The following ASIC2 variants were observed in gnomAD, a reference collection of about 807,000 sequenced individuals.
ASIC2 encodes acid-sensing ion channel 2.
A neutral mutation model predicts 57.3 loss-of-function variants in ASIC2; 25 were observed. The ratio of observed to expected loss-of-function variants is 0.44; its 90% confidence interval spans 0.32 to 0.61. The LOEUF is 0.61. ASIC2 is among the 20% of genes least tolerant of loss of function. ASIC2 has a pLI of 0.06. For synonymous variants in ASIC2, 319 were observed against 307.5 expected (o/e 1.04, Z -0.39); for missense variants, 641 against 738.1 (o/e 0.87, Z 1.52).
At chr17:33,278,489 G>GA (rs10566355) in intron 1 of ASIC2, among the ~76,000 whole-genome samples, 1,690 of 144,336 alleles carry the variant, frequency 0.012, 10 homozygotes, top group African/African-American at 0.016. Context: ...CCCTGTATCA[G>GA]AAAAAAAAAA....
intron 1 of ASIC2, among the ~76,000 whole-genome samples, chr17:33,912,566 C>G (rs750752179): frequency 5.9e-5 from 9 of 152,230 alleles, no homozygotes; most frequent in Non-Finnish European, 8.8e-5. Context: ...ACCATCTTTT[C>G]CCCTTGACAG....
At chr17:34,135,304 C>T (rs1042122748) in intron 1 of ASIC2, among the ~76,000 whole-genome samples, 2 of 152,226 alleles carry the variant, frequency 1.3e-5, no homozygotes, top group Admixed American at 1.3e-4. Context: ...AAAGCAGGAA[C>T]ATGGCATAGA....
At chr17:34,047,860 C>T (rs1307222618) in intron 1 of ASIC2, among the ~76,000 whole-genome samples, 1 of 152,178 alleles carries the variant, frequency 6.6e-6, no homozygotes, top group Non-Finnish European at 1.5e-5. Flanking sequence ...GCATGGTCCC[C>T]ACTCGGACAA....
chr17:33,817,359 CTG>C (rs1481932215), intron 1 of ASIC2, among the ~76,000 whole-genome samples: 4 of 152,188 alleles, frequency 2.6e-5, no homozygotes, highest in African/African-American at 4.8e-5. Flanking sequence ...CTCAGACTCT[CTG>C]AGCCTGAGTT....
chr17:33,626,207 T>G (rs1905978383), intron 1 of ASIC2, among the ~76,000 whole-genome samples: 1 of 152,206 alleles, frequency 6.6e-6, no homozygotes, highest in African/African-American at 2.4e-5. Context: ...GGATGTATTC[T>G]TAAGAATGGC....
At chr17:33,286,729 C>A (rs186355049) in intron 1 of ASIC2, among the ~76,000 whole-genome samples, 91 of 152,268 alleles carry the variant, frequency 6.0e-4, no homozygotes, top group African/African-American at 2.1e-3. Flanking sequence ...ATCGAAGATC[C>A]CCAGTCTGAT....
intron 1 of ASIC2, among the ~76,000 whole-genome samples, chr17:33,703,592 A>T (rs1402171718): frequency 6.6e-6 from 1 of 152,104 alleles, no homozygotes; most frequent in South Asian, 2.1e-4. Context: ...AGCTCAAGCA[A>T]TCCACCCACT....
chr17:33,473,395 G>A (rs1019413646), intron 1 of ASIC2, among the ~76,000 whole-genome samples: 2 of 152,168 alleles, frequency 1.3e-5, no homozygotes, highest in African/African-American at 4.8e-5. Flanking sequence ...AGAATGAATG[G>A]AGATCAGACC....
At chr17:33,596,786 A>G (rs1262140452) in intron 1 of ASIC2, among the ~76,000 whole-genome samples, 1 of 152,178 alleles carries the variant, frequency 6.6e-6, no homozygotes, top group East Asian at 1.9e-4. Context: ...AGAGTGGCTT[A>G]TGCTCTTGAA....
At chr17:33,387,366 G>A (rs1430250629) in intron 1 of ASIC2, among the ~76,000 whole-genome samples, 1 of 152,246 alleles carries the variant, frequency 6.6e-6, no homozygotes, top group Admixed American at 6.5e-5. Context: ...AGGAGTGTTT[G>A]TTGGCTCTTT....
intron 1 of ASIC2, among the ~76,000 whole-genome samples, chr17:33,251,477 A>G (rs1908880103): frequency 6.6e-6 from 1 of 152,124 alleles, no homozygotes; most frequent in South Asian, 2.1e-4. Context: ...CTACAGGTGT[A>G]TGCCACCATG....
intron 1 of ASIC2, among the ~76,000 whole-genome samples, chr17:33,729,877 ATTC>A (rs1909685390): frequency 1.3e-5 from 2 of 152,224 alleles, no homozygotes; most frequent in Non-Finnish European, 2.9e-5. Context: ...AACCCTAATT[ATTC>A]AGCTGGTTCT....
chr17:33,342,351 CGT>C (rs1001791609), intron 1 of ASIC2, among the ~76,000 whole-genome samples: 104 of 150,114 alleles, frequency 6.9e-4, no homozygotes, highest in Admixed American at 5.2e-3. Flanking sequence ...TGTGTGTGTA[CGT>C]GTGTGTGTGT....
intron 1 of ASIC2, among the ~76,000 whole-genome samples, chr17:34,112,226 C>A (rs1187137403): frequency 6.6e-6 from 1 of 152,062 alleles, no homozygotes; most frequent in Non-Finnish European, 1.5e-5. Flanking sequence ...AATCTCTGAG[C>A]CTCAGTCTTT....
intron 1 of ASIC2, among the ~76,000 whole-genome samples, chr17:34,109,940 GTGTT>G (rs1212701202): frequency 1.3e-5 from 2 of 152,028 alleles, no homozygotes; most frequent in Non-Finnish European, 2.9e-5. Context: ...GTGTGTGTGT[GTGTT>G]TGTGTGTGTG....
At chr17:33,727,593 C>T (rs1909604970) in intron 1 of ASIC2, among the ~76,000 whole-genome samples, 1 of 152,136 alleles carries the variant, frequency 6.6e-6, no homozygotes, top group Non-Finnish European at 1.5e-5. Context: ...CCTTCCCCAT[C>T]TCTCTCTCTT....
intron 1 of ASIC2, among the ~76,000 whole-genome samples, chr17:33,556,523 A>G (rs1412970723): frequency 1.3e-5 from 2 of 152,226 alleles, no homozygotes; most frequent in Non-Finnish European, 2.9e-5. Context: ...ATACGTTTAA[A>G]TTCAGAAAAT....
intron 1 of ASIC2, among the ~76,000 whole-genome samples, chr17:33,152,483 A>T (rs1210360334): frequency 6.6e-6 from 1 of 152,230 alleles, no homozygotes; most frequent in East Asian, 1.9e-4. Context: ...AAACAGCAAA[A>T]CAAAGCAACA....
chr17:33,720,495 T>C (rs1289839217), intron 1 of ASIC2, among the ~76,000 whole-genome samples: 1 of 152,234 alleles, frequency 6.6e-6, no homozygotes, highest in African/African-American at 2.4e-5. Context: ...TTAAGGCATG[T>C]ACTGACTCAG....
Sources: allele counts gnomAD v4.1 joint callset (sites outside exome capture counted in the v4.1 genomes callset), GRCh38; gene constraint gnomAD v4.1.1; transcripts MANE v1.5; gene names NCBI Gene and HGNC (gene_info 2026-07-23, HGNC 2026-07-21).